MYO10: variants seen among roughly 807,000 people sequenced by gnomAD.
The protein encoded by MYO10 is myosin X.
Under a neutral mutation model 257.3 loss-of-function variants are expected in MYO10, and 133 were observed. That is an observed-to-expected ratio of 0.52 (90% confidence interval 0.45 to 0.60). MYO10 has a LOEUF of 0.60. MYO10 is among the 20% of genes least tolerant of loss of function. MYO10 has a pLI of 0.00. For synonymous variants in MYO10, 1,104 were observed against 1,028.6 expected (o/e 1.07, Z -1.40); for missense variants, 2,399 against 2,635.7 (o/e 0.91, Z 1.97).
intron 2 of MYO10, among the ~76,000 whole-genome samples, chr5:16,870,338 G>A (rs1157622910): frequency 1.3e-5 from 2 of 151,346 alleles, no homozygotes; most frequent in Admixed American, 1.3e-4. Context: ...TTCATTTTAA[G>A]TAATTATGAC....
chr5:16,683,807 C>T lies in MYO10; in HGVS notation c.4046+73G>A, dbSNP rs61541261. On this transcript the variant is annotated intron_variant, in intron 30 of 40. Coordinates refer to ENST00000513610, the MANE Select transcript of MYO10 (RefSeq NM_012334.3). ...CACAGCCCTGTGAAGAGGGTCGTGA[C>T]CCAGCAGCACAGACACCTGTGGACA... 3,020 of 1,489,908 alleles carry T rather than the reference C, an allele frequency of 2.0e-3. 53 individuals carry two copies. In the African/African-American group the frequency reaches 0.037, roughly 18 times the overall value. The allele number at this position is 1,489,908 out of a possible 1,614,324, so 92.3% of individuals were successfully genotyped here.
At chr5:16,888,801 C>G (rs898422419) in intron 1 of MYO10, among the ~76,000 whole-genome samples, 3 of 151,204 alleles carry the variant, frequency 2.0e-5, no homozygotes, top group Non-Finnish European at 2.9e-5. Context: ...CTAAAAAGCA[C>G]AGAGGTAAAC....
In MYO10 at chr5:16,799,496, C is replaced by CT. The variant is rs10714513; in HGVS notation, c.280-4664dup. On this transcript the variant is annotated intron_variant, in intron 3 of 40. Coordinates refer to ENST00000513610, the MANE Select transcript of MYO10 (RefSeq NM_012334.3). The stretch of plus-strand genomic sequence containing the variant: ...TCAGCAGTGCTTTAGAAGAGAAATA[C>CT]TTTTTTTTTTTTTTGAGACTGAGTC... 3.3e-3 allele frequency among the ~76,000 whole-genome samples: 492 copies of CT among 146,996 alleles called. 4 individuals carry two copies. Among genetic ancestry groups the CT allele is most frequent in the African/African-American group, 0.01 (407 of 40,030 alleles).
At chr5:16,810,221 G>C (rs1742395717) in intron 3 of MYO10, among the ~76,000 whole-genome samples, 1 of 152,136 alleles carries the variant, frequency 6.6e-6, no homozygotes. Context: ...AAAAACACTT[G>C]TTCTCACTCT....
intron 17 of MYO10, among the ~76,000 whole-genome samples, chr5:16,758,953 G>A (rs996135097): frequency 1.3e-5 from 2 of 151,110 alleles, no homozygotes; most frequent in South Asian, 2.1e-4. Context: ...ACAGAGTTTC[G>A]CTCTTTCACC....
At chr5:16,856,075 T>C (rs1743952669) in intron 2 of MYO10, among the ~76,000 whole-genome samples, 1 of 152,212 alleles carries the variant, frequency 6.6e-6, no homozygotes, top group Non-Finnish European at 1.5e-5. Context: ...TGGAACAGTA[T>C]TGTTTTCTGT....
chr5:16,663,326 TTG>T lies in MYO10; in HGVS notation c.*3364_*3365del, dbSNP rs1172326512. 4.1e-4 allele frequency: 42 copies of T among 101,550 alleles called. No homozygotes were observed. The highest frequency in any genetic ancestry group is 7.0e-4 in the Non-Finnish European group (36 of 51,792). 6.3% of individuals were successfully genotyped at this position (101,550 alleles called of 1,614,324 possible). A position where few individuals can be genotyped will look rare whatever the true frequency, so the allele number is the denominator to read the frequency against. ...GAAAAAAGTAACATTTTACTTCTAGTTGTTTTTTTTTTTTTTTTTTTTTTTTT... is the reference window on the plus strand; with the variant it reads ...GAAAAAAGTAACATTTTACTTCTAGTTTTTTTTTTTTTTTTTTTTTTTTTT... On this transcript the variant is annotated 3_prime_UTR_variant, in exon 41 of 41. Transcript: ENST00000513610.
chr5:16,844,072 G>A (rs1454378123), intron 2 of MYO10, among the ~76,000 whole-genome samples: 1 of 152,194 alleles, frequency 6.6e-6, no homozygotes, highest in Non-Finnish European at 1.5e-5. Flanking sequence ...CTGCTGACTA[G>A]CAACAAATCA....
intron 2 of MYO10, chr5:16,854,140 T>G (rs1743894498): frequency 6.6e-6 from 1 of 152,182 alleles, no homozygotes; most frequent in Non-Finnish European, 1.5e-5. Flanking sequence ...CATGTAAGAA[T>G]TATCTCACTG....
chr5:16,750,615 T>TA (rs1740352883), intron 19 of MYO10, among the ~76,000 whole-genome samples: 1 of 152,116 alleles, frequency 6.6e-6, no homozygotes. Flanking sequence ...GCTACAGGTG[T>TA]TTCTGTTGTT....
intron 4 of MYO10, among the ~76,000 whole-genome samples, chr5:16,788,041 G>A (rs964340222): frequency 3.9e-5 from 6 of 152,130 alleles, no homozygotes; most frequent in Non-Finnish European, 8.8e-5. Flanking sequence ...TGATCTACCC[G>A]CCTCGGCCTC....
chr5:16,716,011 G>A lies in MYO10; in HGVS notation c.1930-4766C>T, dbSNP rs868469321. 5.5e-4 allele frequency among the ~76,000 whole-genome samples: 82 copies of A among 149,642 alleles called. 1 individual carries two copies. The highest frequency in any genetic ancestry group is 1.8e-3 in the African/African-American group (74 of 40,648). On this transcript the variant is annotated intron_variant, in intron 19 of 40. Coordinates refer to ENST00000513610, the MANE Select transcript of MYO10 (RefSeq NM_012334.3). ...GCAGAGGTTGCAGTGAGCTGAGATC[G>A]CACCACTGCACCCCAGCCTGGGCAA... is the stretch of plus-strand genomic sequence containing the variant.
intron 9 of MYO10, among the ~76,000 whole-genome samples, chr5:16,771,508 T>C (rs945408706): frequency 6.7e-6 from 1 of 150,076 alleles, no homozygotes; most frequent in Non-Finnish European, 1.5e-5. Context: ...ATTCAAACTC[T>C]GGCCCAACTG....
chr5:16,926,103 A>C (rs1326486813), intron 1 of MYO10, among the ~76,000 whole-genome samples: 1 of 152,234 alleles, frequency 6.6e-6, no homozygotes, highest in East Asian at 1.9e-4. Context: ...TGATGTGATT[A>C]TATGAAAGCA....
At chr5:16,847,878 C>G (rs148980663) in intron 2 of MYO10, among the ~76,000 whole-genome samples, 1 of 152,300 alleles carries the variant, frequency 6.6e-6, no homozygotes, top group Non-Finnish European at 1.5e-5. Flanking sequence ...GTCTGGGCAA[C>G]ATAGCAAGAC....
chr5:16,672,310 T>TAAAAAA (rs1736504809), intron 37 of MYO10, among the ~76,000 whole-genome samples: 11 of 77,906 alleles, frequency 1.4e-4, no homozygotes, highest in African/African-American at 5.4e-4. Context: ...AAAAAAAAAG[T>TAAAAAA]AGGTCCATTT....
intron 2 of MYO10, among the ~76,000 whole-genome samples, chr5:16,826,302 C>G (rs1274416705): frequency 6.6e-6 from 1 of 152,188 alleles, no homozygotes; most frequent in Non-Finnish European, 1.5e-5. Context: ...TTTCATTTCT[C>G]TGGCCCAGTA....
Position 16,935,837 on chromosome 5 carries a change from G to GT in MYO10, c.-30dup, listed in dbSNP as rs752479570. 6.2e-7 allele frequency: 1 copy of GT among 1,611,770 alleles called. No individual in the cohort carries two copies. The highest frequency in any genetic ancestry group is 1.1e-5 in the South Asian group (1 of 90,814). On this transcript the variant is annotated 5_prime_UTR_variant, in exon 1 of 41. Coordinates refer to ENST00000513610, the MANE Select transcript of MYO10 (RefSeq NM_012334.3). ...TCCAGCGCAGTCCCGGACTCGCCGA[G>GT]TGCCGCTCCGACTCGCGGAAGTCAG...
In MYO10 at chr5:16,772,436, G is replaced by T. The variant is rs111609612; in HGVS notation, c.931-3233C>A. Reference sequence around the variant, plus strand: ...GCGTGAGCCACGGCGCCCAGCCTATGGTATACTTTTTAAAGAAAATTATGC... The same window carrying T: ...GCGTGAGCCACGGCGCCCAGCCTATTGTATACTTTTTAAAGAAAATTATGC... On this transcript the variant is annotated intron_variant, in intron 9 of 40. Transcript: ENST00000513610. Among the ~76,000 whole-genome samples, 389 of 152,122 alleles carry T rather than the reference G, an allele frequency of 2.6e-3. 1 individual carries two copies. The highest frequency in any genetic ancestry group is 9.1e-3 in the African/African-American group (378 of 41,514).
Sources: allele counts gnomAD v4.1 joint callset (sites outside exome capture counted in the v4.1 genomes callset), GRCh38; gene constraint gnomAD v4.1.1; transcripts MANE v1.5; gene names NCBI Gene and HGNC (gene_info 2026-07-23, HGNC 2026-07-21).